Variants in GATA4 observed in about 807,000 individuals in gnomAD.
GATA4 encodes the protein transcription factor GATA-4.
Under a neutral mutation model 37.9 loss-of-function variants are expected in GATA4, and 7 were observed. That is an observed-to-expected ratio of 0.18 (90% CI 0.11 to 0.35). The LOEUF (loss-of-function observed/expected upper bound fraction) is 0.35, where lower values mean the gene tolerates loss of function less well. Ranked by LOEUF, GATA4 falls within the 10% of genes least tolerant of loss-of-function variation. GATA4 has a pLI of 1.00. For missense variants in GATA4, 647 were observed against 653.0 expected (o/e 0.99, Z 0.10); for synonymous variants, 372 against 292.6 (o/e 1.27, Z -2.77).
At chr8:11,712,171 A>T (rs1419147522) in intron 2 of GATA4, among the ~76,000 whole-genome samples, 2 of 152,220 alleles carry the variant, frequency 1.3e-5, no homozygotes, top group African/African-American at 4.8e-5. Flanking sequence ...TGGTTATTTT[A>T]TTGAATAGCC....
chr8:11,736,819 C>G (rs967771429), intron 2 of GATA4, among the ~76,000 whole-genome samples: 1 of 152,188 alleles, frequency 6.6e-6, no homozygotes, highest in Admixed American at 6.5e-5. Context: ...TCTTTTCACA[C>G]TAGGAAGCAC....
At chr8:11,688,549 C>T (rs1305331624), upstream of GATA4, among the ~76,000 whole-genome samples, 1 of 151,980 alleles carries the variant, frequency 6.6e-6, no homozygotes, top group Non-Finnish European at 1.5e-5. Context: ...CACACACACA[C>T]ACTTGAATCT....
At chr8:11,713,691 G>T (rs1054082352) in intron 2 of GATA4, among the ~76,000 whole-genome samples, 1 of 152,140 alleles carries the variant, frequency 6.6e-6, no homozygotes, top group African/African-American at 2.4e-5. Context: ...GTTAGTGAAG[G>T]TGAGCAGATA....
chr8:11,677,973 C>G (rs1032121639), intron 1 of GATA4, among the ~76,000 whole-genome samples: 1 of 150,884 alleles, frequency 6.6e-6, no homozygotes, highest in African/African-American at 2.4e-5. Context: ...GGCAAATGAG[C>G]CTTAAATCTG....
At chr8:11,715,072 T>C (rs1322026903) in intron 2 of GATA4, among the ~76,000 whole-genome samples, 1 of 152,174 alleles carries the variant, frequency 6.6e-6, no homozygotes, top group African/African-American at 2.4e-5. Context: ...ACGTGGCACA[T>C]ACAAACCATA....
intron 1 of GATA4, among the ~76,000 whole-genome samples, chr8:11,682,706 G>A (rs1448907449): frequency 6.6e-6 from 1 of 152,216 alleles, no homozygotes; most frequent in Non-Finnish European, 1.5e-5. Context: ...AGTCAGCTAT[G>A]TCTCCTCTGC....
At chr8:11,698,188 T>G (rs1799564879) in intron 1 of GATA4, among the ~76,000 whole-genome samples, 1 of 152,220 alleles carries the variant, frequency 6.6e-6, no homozygotes, top group Non-Finnish European at 1.5e-5. Flanking sequence ...TCTCTCTCCT[T>G]TCTCTGTCTC....
chr8:11,735,541 TTTTG>T (rs746972204), intron 2 of GATA4, among the ~76,000 whole-genome samples: 202 of 152,188 alleles, frequency 1.3e-3, no homozygotes, highest in African/African-American at 2.9e-3. Flanking sequence ...GGTGGAGACT[TTTTG>T]TTTGTTTGTT....
intron 2 of GATA4, among the ~76,000 whole-genome samples, chr8:11,735,788 C>A (rs1801425421): frequency 6.6e-6 from 1 of 152,160 alleles, no homozygotes; most frequent in South Asian, 2.1e-4. Flanking sequence ...CTCGAACTCC[C>A]GACCTAAGGT....
At chr8:11,739,106 C>T (rs1329959645) in intron 2 of GATA4, among the ~76,000 whole-genome samples, 3 of 152,210 alleles carry the variant, frequency 2.0e-5, no homozygotes, top group Admixed American at 1.3e-4. Context: ...TTCTTTCCGG[C>T]CAGGAGGATC....
At chr8:11,695,766 G>A (rs149202230) in intron 1 of GATA4, among the ~76,000 whole-genome samples, 90 of 152,236 alleles carry the variant, frequency 5.9e-4, no homozygotes, top group Admixed American at 2.0e-3. Flanking sequence ...TCACTCTGAC[G>A]TCACCCTTCC....
chr8:11,747,142 G>T (rs1245495497), intron 2 of GATA4, among the ~76,000 whole-genome samples: 3 of 152,224 alleles, frequency 2.0e-5, no homozygotes, highest in African/African-American at 4.8e-5. Context: ...AGAAAAATCT[G>T]CCCTTGCCTC....
At chr8:11,737,489 C>T (rs1409827592) in intron 2 of GATA4, among the ~76,000 whole-genome samples, 1 of 152,224 alleles carries the variant, frequency 6.6e-6, no homozygotes, top group Admixed American at 6.5e-5. Context: ...GTCAAATGGC[C>T]CAGACTAGCC....
rs780683869 is a variant in GATA4, at chr8:11,709,575, C to CG, written c.616+658dup. Among the ~76,000 whole-genome samples, 49,447 of 93,426 alleles carry CG rather than the reference C, an allele frequency of 0.53. 13,465 individuals carry two copies. The highest frequency in any genetic ancestry group is 0.59 in the Non-Finnish European group (30,917 of 52,016). The allele number at this position is 93,426 out of a possible 152,430, so 61.3% of individuals were successfully genotyped here. Reference sequence around the variant, plus strand: ...GCGCGTGGGCGCATCATGCGGGCAGCGGGGGGGGGGGCGCACACGCCCGGT... The same window carrying CG: ...GCGCGTGGGCGCATCATGCGGGCAGCGGGGGGGGGGGGCGCACACGCCCGGT... On this transcript the variant is annotated intron_variant, in intron 2 of 6. Coordinates refer to ENST00000532059, the MANE Select transcript of GATA4 (RefSeq NM_001308093.3). This position sits in a 1 kb window ranked among gnomAD's most constrained non-coding sequence, Gnocchi z 4.3.
chr8:11,750,763 T>A (rs915306567), intron 4 of GATA4, among the ~76,000 whole-genome samples: 2 of 127,006 alleles, frequency 1.6e-5, no homozygotes, highest in Admixed American at 1.7e-4. Context: ...TGAAACTTTG[T>A]CTCTACTAAA....
chr8:11,731,679 A>C (rs1025096492), intron 2 of GATA4, among the ~76,000 whole-genome samples: 10 of 152,250 alleles, frequency 6.6e-5, no homozygotes, highest in Non-Finnish European at 1.5e-4. Flanking sequence ...AACAGTGTGA[A>C]CACATTTACT....
At chr8:11,734,709 C>T (rs1801372976) in intron 2 of GATA4, among the ~76,000 whole-genome samples, 2 of 152,090 alleles carry the variant, frequency 1.3e-5, no homozygotes, top group African/African-American at 2.4e-5. Flanking sequence ...AGTCTGGTCT[C>T]GAACTCTTGA....
chr8:11,678,284 G>C (rs1386186170), intron 1 of GATA4, among the ~76,000 whole-genome samples: 1 of 152,124 alleles, frequency 6.6e-6, no homozygotes, highest in African/African-American at 2.4e-5. Flanking sequence ...CTCAGTCCTG[G>C]TGTACCTATT....
At chr8:11,698,244 T>C (rs1799566509) in intron 1 of GATA4, among the ~76,000 whole-genome samples, 1 of 152,230 alleles carries the variant, frequency 6.6e-6, no homozygotes, top group Non-Finnish European at 1.5e-5. Context: ...TTCCATAATA[T>C]TTCATCATTC....
Sources: gnomAD v4.1 joint callset for allele counts (sites outside exome capture counted in the v4.1 genomes callset) on GRCh38, gnomAD v4.1.1 for gene constraint, Gnocchi (gnomAD v3.1) non-coding constraint, MANE v1.5 for transcripts, NCBI Gene and HGNC (gene_info 2026-07-23, HGNC 2026-07-21) for gene names.